Variants in ADCK1 observed in about 807,000 individuals in gnomAD.
ADCK1 encodes aarF domain-containing protein kinase 1.
A neutral mutation model predicts 52.3 loss-of-function variants in ADCK1; 41 were observed. The ratio of observed to expected loss-of-function variants is 0.78; its 90% CI spans 0.61 to 1.02. ADCK1 has a LOEUF of 1.02. Ranked by LOEUF, ADCK1 falls within the 50% of genes least tolerant of loss-of-function variation. The pLI is 0.00. For synonymous variants in ADCK1, 250 were observed against 274.6 expected (o/e 0.91, Z 0.89); for missense variants, 658 against 679.5 (o/e 0.97, Z 0.35).
intron 6 of ADCK1, among the ~76,000 whole-genome samples, chr14:77,901,045 C>CCT (rs2083528783): frequency 7.5e-6 from 1 of 134,144 alleles, no homozygotes; most frequent in Non-Finnish European, 1.6e-5. Flanking sequence ...AGTTGGTGTT[C>CCT]TTTTTTTTTT....
intron 4 of ADCK1, among the ~76,000 whole-genome samples, chr14:77,869,987 C>A (rs1268243070): frequency 1.3e-5 from 2 of 152,142 alleles, no homozygotes; most frequent in African/African-American, 2.4e-5. Flanking sequence ...AATTACCCAG[C>A]CTCAGGTATT....
At chr14:77,834,529 C>A (rs1375629330) in intron 3 of ADCK1, among the ~76,000 whole-genome samples, 1 of 152,194 alleles carries the variant, frequency 6.6e-6, no homozygotes, top group African/African-American at 2.4e-5. Flanking sequence ...ATTGGAGATG[C>A]CTGATGTGAT....
intron 1 of ADCK1, among the ~76,000 whole-genome samples, chr14:77,816,386 G>A (rs2081450753): frequency 6.6e-6 from 1 of 151,532 alleles, no homozygotes; most frequent in Admixed American, 6.6e-5. Context: ...CCTCTCACCT[G>A]CCCCAAGGCA....
chr14:77,920,641 A>G (rs2084027309), intron 7 of ADCK1, among the ~76,000 whole-genome samples: 1 of 152,084 alleles, frequency 6.6e-6, no homozygotes, highest in South Asian at 2.1e-4. Flanking sequence ...GTATTTATTT[A>G]GTTTTACTTT....
chr14:77,816,746 C>T (rs2081459270), intron 1 of ADCK1, among the ~76,000 whole-genome samples: 1 of 151,700 alleles, frequency 6.6e-6, no homozygotes, highest in African/African-American at 2.4e-5. Context: ...GGAACCCCAG[C>T]TTGAAGCTGG....
At chr14:77,888,013 A>G (rs1321570554) in intron 5 of ADCK1, among the ~76,000 whole-genome samples, 1 of 152,106 alleles carries the variant, frequency 6.6e-6, no homozygotes, top group African/African-American at 2.4e-5. Context: ...TCTGCACCCT[A>G]TGCTAGGTGG....
Position 77,925,873 on chromosome 14 carries a change from T to C in ADCK1, c.1118T>C (p.Leu373Pro). 1 of 1,614,234 alleles carries C rather than the reference T, an allele frequency of 6.2e-7. No homozygotes were observed. Among genetic ancestry groups the C allele is most frequent in the South Asian group, 1.1e-5 (1 of 91,090 alleles). Residue 373 changes from leucine (L) to proline (P), a missense_variant, in exon 9 of 11, where the codon CTC becomes CCC. Transcript: ENST00000238561. The part of the protein sequence containing the change: ...EYSQRLGAGD[L>P]YPLFACMLTA... Reference sequence around the variant, plus strand: ...AGCCAGCGACTGGGAGCCGGGGATCTCTACCCCTTGTTTGCCTGCATGCTG... The same window carrying C: ...AGCCAGCGACTGGGAGCCGGGGATCCCTACCCCTTGTTTGCCTGCATGCTG...
chr14:77,827,350 CA>C (rs772586548), intron 3 of ADCK1, among the ~76,000 whole-genome samples: 4,594 of 72,008 alleles, frequency 0.064, 64 homozygotes, highest in South Asian at 0.15. Flanking sequence ...GACTCTGTCT[CA>C]AAAAAAAAAA....
At chr14:77,883,721 T>A (rs2083085247) in intron 4 of ADCK1, among the ~76,000 whole-genome samples, 1 of 152,088 alleles carries the variant, frequency 6.6e-6, no homozygotes, top group Non-Finnish European at 1.5e-5. Context: ...GTGGGGTGTC[T>A]GTGTGACAGG....
intron 4 of ADCK1, among the ~76,000 whole-genome samples, chr14:77,881,801 C>T (rs2083031046): frequency 1.3e-5 from 2 of 152,216 alleles, no homozygotes. Context: ...CCATTGTGAA[C>T]ATATTTTAAA....
At chr14:77,849,384 C>G (rs1489673495) in intron 3 of ADCK1, among the ~76,000 whole-genome samples, 1 of 152,174 alleles carries the variant, frequency 6.6e-6, no homozygotes, top group Non-Finnish European at 1.5e-5. Context: ...AACTGGTACT[C>G]TCTAATTTAC....
intron 3 of ADCK1, among the ~76,000 whole-genome samples, chr14:77,849,119 C>T (rs1470440095): frequency 3.3e-5 from 5 of 152,282 alleles, no homozygotes; most frequent in African/African-American, 9.6e-5. Context: ...TGAGCCACCG[C>T]GCCCGGCCAC....
At chr14:77,895,732 C>T (rs982630295) in intron 5 of ADCK1, among the ~76,000 whole-genome samples, 4 of 152,276 alleles carry the variant, frequency 2.6e-5, no homozygotes, top group African/African-American at 9.6e-5. Flanking sequence ...ATGGCAGCAG[C>T]CCGAACTACT....
intron 1 of ADCK1, among the ~76,000 whole-genome samples, chr14:77,811,841 T>TA (rs1337437108): frequency 5.3e-5 from 8 of 151,966 alleles, no homozygotes; most frequent in Admixed American, 3.9e-4. Context: ...AAAACAATGA[T>TA]AACACCCAAA....
At chr14:77,872,543 G>T (rs533820635) in intron 4 of ADCK1, among the ~76,000 whole-genome samples, 1 of 152,170 alleles carries the variant, frequency 6.6e-6, no homozygotes, top group African/African-American at 2.4e-5. Context: ...CCCTGGGAAA[G>T]GTGCTGCCTC....
intron 4 of ADCK1, among the ~76,000 whole-genome samples, chr14:77,872,464 A>C (rs1336407226): frequency 6.6e-6 from 1 of 152,014 alleles, no homozygotes; most frequent in Non-Finnish European, 1.5e-5. Flanking sequence ...CCTAAAAGCC[A>C]ATCATAAGGT....
Position 77,910,003 on chromosome 14 carries a change from T to C in ADCK1, c.858+2084T>C, listed in dbSNP as rs1245390226. On this transcript the variant is annotated intron_variant, in intron 7 of 10. Transcript: ENST00000238561. ...GTTAGGCCACAAAGGAGGGGCCGCA[T>C]CAAAGTGCACAGAGCTGCTGCCAGG... 1.3e-5 allele frequency among the ~76,000 whole-genome samples: 2 copies of C among 152,058 alleles called. 1 individual carries two copies. The highest frequency in any genetic ancestry group is 4.8e-5 in the African/African-American group (2 of 41,404).
intron 3 of ADCK1, among the ~76,000 whole-genome samples, chr14:77,850,909 C>A (rs957034972): frequency 5.3e-5 from 8 of 151,966 alleles, no homozygotes; most frequent in Non-Finnish European, 1.2e-4. Context: ...CCTGCCTTGG[C>A]CTCCCAAGGT....
At position 77,874,622 on chromosome 14, in the gene ADCK1, C is replaced by T. The variant is rs150108772; in HGVS notation, c.424-12469C>T. On this transcript the variant is annotated intron_variant, in intron 4 of 10. Transcript: ENST00000238561. ...CAGGGGCTACTGTATGTGGACTCTG[C>T]GTGTCCCCTCTCCCTGCTGGGGCTT... Among the ~76,000 whole-genome samples, 31 of 152,208 alleles carry T rather than the reference C, an allele frequency of 2.0e-4. No individual in the cohort carries two copies. The South Asian group carries it at 2.3e-3, about 11-fold the overall frequency.
Sources: gnomAD v4.1 joint callset for allele counts (sites outside exome capture counted in the v4.1 genomes callset) on GRCh38, gnomAD v4.1.1 for gene constraint, MANE v1.5 for transcripts, NCBI Gene and HGNC (gene_info 2026-07-23, HGNC 2026-07-21) for gene names.